SASH1: variants seen among roughly 807,000 people sequenced by gnomAD.
SASH1 encodes the protein SAM and SH3 domain containing 1.
SASH1 carries 44 observed loss-of-function variants against 125.2 expected under a neutral mutation model. The observed-to-expected ratio is 0.35, with a 90% CI of 0.28 to 0.45. The LOEUF is 0.45. SASH1 is among the 20% of genes least tolerant of loss of function. The pLI is 1.00. For synonymous variants in SASH1, 639 were observed against 649.1 expected (o/e 0.98, Z 0.24); for missense variants, 1,426 against 1,614.5 (o/e 0.88, Z 2.00).
intron 4 of SASH1, among the ~76,000 whole-genome samples, chr6:148,440,853 A>G (rs1056479617): frequency 2.6e-5 from 4 of 152,174 alleles, no homozygotes; most frequent in Admixed American, 2.6e-4. Flanking sequence ...TTAAAACAAC[A>G]GTGAATGTGT....
chr6:148,266,839 T>C, the SASH1 span, among the ~76,000 whole-genome samples: 2 of 151,984 alleles, frequency 1.3e-5, no homozygotes, highest in South Asian at 2.1e-4. Context: ...CTTGAACTCC[T>C]AGGCTCAAGT....
intron 16 of SASH1, among the ~76,000 whole-genome samples, chr6:148,535,448 A>G (rs1193322468): frequency 6.6e-6 from 1 of 152,224 alleles, no homozygotes; most frequent in Non-Finnish European, 1.5e-5. Flanking sequence ...CTCAGAGCAC[A>G]CGAGGAGTTG....
At chr6:148,284,473 G>A (rs963994045) in intron 1 of SASH1, among the ~76,000 whole-genome samples, 1 of 152,118 alleles carries the variant, frequency 6.6e-6, no homozygotes, top group African/African-American at 2.4e-5. Flanking sequence ...TCTACTGTAT[G>A]AAAATTAAAA....
chr6:148,311,360 C>T (rs1052490845), intron 1 of SASH1, among the ~76,000 whole-genome samples: 1 of 152,032 alleles, frequency 6.6e-6, no homozygotes, highest in African/African-American at 2.4e-5. Flanking sequence ...CTGCCTTGGC[C>T]TCCCAAAGTG....
chr6:148,524,935 G>A (rs1472895959), intron 10 of SASH1: 3 of 232,852 alleles, frequency 1.3e-5, no homozygotes, highest in Non-Finnish European at 2.6e-5. Flanking sequence ...GAATGTAGCT[G>A]ATGTTAGGGG....
chr6:148,341,317 GTTTTTTTTTTTTGTT>G (rs1310507404), upstream of SASH1, among the ~76,000 whole-genome samples: 4 of 120,226 alleles, frequency 3.3e-5, no homozygotes, highest in African/African-American at 1.3e-4. Context: ...GCTATGTTTT[GTTTTTTTTTTTTGTT>G]TTTTTTTTTT....
At chr6:148,514,605 G>T in intron 9 of SASH1, 149 bp downstream of exon 9, 7 of 1,030,716 alleles carry the variant, frequency 6.8e-6, no homozygotes, top group Non-Finnish European at 9.4e-6. Flanking sequence ...GCAGGACTAT[G>T]CCTGCCAGCA....
At chr6:148,286,240 A>C (rs111276665) in intron 1 of SASH1, among the ~76,000 whole-genome samples, 5,909 of 152,090 alleles carry the variant, frequency 0.039, 155 homozygotes, top group Middle Eastern at 0.071. Flanking sequence ...AATAATTTTT[A>C]AAATAATTCC....
intron 1 of SASH1, among the ~76,000 whole-genome samples, chr6:148,319,377 C>T (rs1284721417): frequency 6.6e-6 from 1 of 151,780 alleles, no homozygotes; most frequent in East Asian, 1.9e-4. Flanking sequence ...AGTTAAGGAA[C>T]CTGGGAGATT....
chr6:148,306,020 C>T, intron 1 of SASH1, among the ~76,000 whole-genome samples: 1 of 151,998 alleles, frequency 6.6e-6, no homozygotes, highest in East Asian at 1.9e-4. Context: ...ATCTCATGTG[C>T]CCCATAAATA....
chr6:148,320,751 T>C (rs1452006477), intron 1 of SASH1, among the ~76,000 whole-genome samples: 1 of 152,196 alleles, frequency 6.6e-6, no homozygotes, highest in Non-Finnish European at 1.5e-5. Flanking sequence ...CCCAAAGTGT[T>C]GGTATTACAG....
At chr6:148,497,426 G>A (rs1779360868) in intron 8 of SASH1, among the ~76,000 whole-genome samples, 1 of 152,220 alleles carries the variant, frequency 6.6e-6, no homozygotes, top group Non-Finnish European at 1.5e-5. Flanking sequence ...CTAGGCCCTG[G>A]AAACCAGGCC....
intron 1 of SASH1, among the ~76,000 whole-genome samples, chr6:148,382,731 C>T (rs1356493404): frequency 2.0e-5 from 3 of 152,042 alleles, no homozygotes; most frequent in Non-Finnish European, 4.4e-5. Flanking sequence ...CTGTGGTAAC[C>T]GGGATCCACC....
At position 148,302,341 on chromosome 6, in the gene SASH1, A is replaced by AAAAAAAAAAAAAAAAAAAAAT. The variant is rs34513109; in HGVS notation, n.74+29964_74+29965insAAAAAAAAAAAAAAAAAAAAT. Among the ~76,000 whole-genome samples, 24 of 104,442 alleles carry AAAAAAAAAAAAAAAAAAAAAT rather than the reference A, an allele frequency of 2.3e-4. 8 individuals carry two copies. The highest frequency in any genetic ancestry group is 4.3e-4 in the Non-Finnish European group (23 of 53,242). 68.5% of individuals were successfully genotyped at this position (104,442 alleles called of 152,430 possible). A position where few individuals can be genotyped will look rare whatever the true frequency, so the allele number is the denominator to read the frequency against. On this transcript the variant is annotated intron_variant and non_coding_transcript_variant, in intron 1 of 3. Coordinates refer to the SASH1 transcript ENST00000367469. ...AAAAAAAAAAAAAAAAAAAAAAAAAACTAGTAATATTATGACCTTGGTTAA... is the reference window on the plus strand; with the variant it reads ...AAAAAAAAAAAAAAAAAAAAAAAAAAAAAAAAAAAAAAAAAAAAAATCTAGTAATATTATGACCTTGGTTAA...
chr6:148,375,142 C>T lies in SASH1; in HGVS notation c.157-14992C>T, dbSNP rs1351096570. ...AATAGCTAAAACTACAGGCATGCAC[C>T]GCCACACACATCTAATTTTTTGCAT... is the stretch of plus-strand genomic sequence containing the variant. On this transcript the variant is annotated intron_variant, in intron 1 of 19. Transcript: ENST00000367467. 3.3e-5 allele frequency among the ~76,000 whole-genome samples: 5 copies of T among 151,686 alleles called. No homozygotes were observed. The East Asian group carries it at 5.9e-4, about 18-fold the overall frequency.
rs112870156 is a variant in SASH1 at position 148,474,107 on chromosome 6, C to T, written c.515-3C>T. On this transcript the variant is annotated splice_region_variant and splice_polypyrimidine_tract_variant and intron_variant, in intron 6 of 19. Coordinates refer to ENST00000367467, the MANE Select transcript of SASH1 (RefSeq NM_015278.5). Reference sequence around the variant, plus strand: ...CCTGTTGTTCTTTGTCCTCAATCTCCAGGAGAAGACGTTGGTTATGTTGCC... The same window carrying T: ...CCTGTTGTTCTTTGTCCTCAATCTCTAGGAGAAGACGTTGGTTATGTTGCC... The T allele has an allele frequency of 5.3e-4, 854 of 1,599,066 alleles. 4 individuals are homozygous for T. The African/African-American group carries it at 0.01, about 19-fold the overall frequency.
chr6:148,394,141 G>T (rs895598915), intron 2 of SASH1, among the ~76,000 whole-genome samples: 1 of 151,898 alleles, frequency 6.6e-6, no homozygotes, highest in Non-Finnish European at 1.5e-5. Context: ...GATCCTCCCG[G>T]CTTGGCCTCC....
chr6:148,320,355 C>T (rs879559799), intron 1 of SASH1, among the ~76,000 whole-genome samples: 1 of 152,246 alleles, frequency 6.6e-6, no homozygotes, highest in Admixed American at 6.5e-5. Flanking sequence ...GGGCCACCCC[C>T]CTTGATAGCG....
chr6:148,326,551 C>T (rs137859067), intron 1 of SASH1, among the ~76,000 whole-genome samples: 4 of 148,860 alleles, frequency 2.7e-5, no homozygotes, highest in South Asian at 2.2e-4. Flanking sequence ...ATTACAGCCA[C>T]GCGCCACCGT....
Sources: allele counts gnomAD v4.1 joint callset (sites outside exome capture counted in the v4.1 genomes callset), GRCh38; gene constraint gnomAD v4.1.1; transcripts MANE v1.5; gene names NCBI Gene and HGNC (gene_info 2026-07-23, HGNC 2026-07-21).